Variants in EXT1 observed in about 807,000 individuals in gnomAD.
EXT1 encodes the protein exostosin glycosyltransferase 1.
EXT1 carries 20 observed loss-of-function variants against 82.5 expected under a neutral mutation model. That is an observed-to-expected ratio of 0.24 (90% CI 0.17 to 0.35). EXT1 has a LOEUF of 0.35. Among genes scored for constraint, EXT1 ranks in the 10% least tolerant of loss-of-function variants. The probability of loss-of-function intolerance (pLI) is 1.00; values close to 1 mark genes in which losing one functional copy is unlikely to be tolerated. For synonymous variants in EXT1, 348 were observed against 350.8 expected, an observed-to-expected ratio of 0.99 and a Z score of 0.09; for missense variants, 757 against 936.5, an observed-to-expected ratio of 0.81 and a Z score of 2.50.
At chr8:117,884,398 G>A (rs954417621) in intron 1 of EXT1, among the ~76,000 whole-genome samples, 2 of 152,152 alleles carry the variant, frequency 1.3e-5, no homozygotes, top group African/African-American at 2.4e-5. Context: ...CTGTCCAGCT[G>A]TTAAAGTCTG....
At chr8:117,803,562 G>A (rs780257658) in intron 10 of EXT1, among the ~76,000 whole-genome samples, 4 of 151,968 alleles carry the variant, frequency 2.6e-5, no homozygotes, top group African/African-American at 4.8e-5. Context: ...GATGAAATTC[G>A]GCATATCCAG....
chr8:117,970,359 A>G (rs1814913583), intron 1 of EXT1, among the ~76,000 whole-genome samples: 1 of 150,414 alleles, frequency 6.6e-6, no homozygotes, highest in Non-Finnish European at 1.5e-5. Flanking sequence ...GCTGGAGTGC[A>G]GTGGCGTGAT....
intron 1 of EXT1, among the ~76,000 whole-genome samples, chr8:117,892,072 T>C (rs1320393428): frequency 6.6e-6 from 1 of 152,210 alleles, no homozygotes; most frequent in East Asian, 1.9e-4. Flanking sequence ...CCCAAAGTGC[T>C]GGGATTACAG....
intron 1 of EXT1, among the ~76,000 whole-genome samples, chr8:117,935,148 G>A (rs1814135043): frequency 6.6e-6 from 1 of 152,030 alleles, no homozygotes; most frequent in South Asian, 2.1e-4. Context: ...TGATAACGGA[G>A]GTTAAAGAGG....
At chr8:118,067,854 C>A (rs17476979) in intron 1 of EXT1, among the ~76,000 whole-genome samples, 1,596 of 152,268 alleles carry the variant, frequency 0.01, 26 homozygotes, top group African/African-American at 0.035. Flanking sequence ...CTTTGCAGGG[C>A]TGGATCAACA....
intron 1 of EXT1, among the ~76,000 whole-genome samples, chr8:117,949,791 C>A (rs1358665017): frequency 6.6e-6 from 1 of 152,146 alleles, no homozygotes; most frequent in Non-Finnish European, 1.5e-5. Context: ...ATCTGAGAAA[C>A]TATCCTAAGT....
At chr8:118,036,496 C>T (rs192388332) in intron 1 of EXT1, among the ~76,000 whole-genome samples, 1 of 152,308 alleles carries the variant, frequency 6.6e-6, no homozygotes, top group East Asian at 1.9e-4. Context: ...ATCTTATCCA[C>T]TGCTTTACAA....
At chr8:117,937,232 C>T (rs1192252204) in intron 1 of EXT1, among the ~76,000 whole-genome samples, 2 of 152,158 alleles carry the variant, frequency 1.3e-5, no homozygotes, top group Non-Finnish European at 2.9e-5. Flanking sequence ...GAGGATTGCA[C>T]GAGATTACCC....
At chr8:117,829,562 T>C (rs1054368917) in intron 4 of EXT1, among the ~76,000 whole-genome samples, 2 of 138,348 alleles carry the variant, frequency 1.4e-5, no homozygotes, top group Admixed American at 8.0e-5. Context: ...CCATTATATA[T>C]ATTTTTCTTT....
chr8:117,888,297 T>C (rs945690827), intron 1 of EXT1, among the ~76,000 whole-genome samples: 2 of 151,914 alleles, frequency 1.3e-5, no homozygotes, highest in Non-Finnish European at 2.9e-5. Context: ...ATGGTGAAAA[T>C]AAAAATGATA....
At chr8:118,083,931 A>G (rs950902235) in intron 1 of EXT1, among the ~76,000 whole-genome samples, 3 of 152,162 alleles carry the variant, frequency 2.0e-5, no homozygotes, top group African/African-American at 7.2e-5. Flanking sequence ...CCGAAGGCTG[A>G]GGCAGGAGAA....
intron 1 of EXT1, among the ~76,000 whole-genome samples, chr8:117,989,950 C>CT (rs1214378155): frequency 6.6e-6 from 1 of 152,178 alleles, no homozygotes. Context: ...AATTCCAGCA[C>CT]TTTGAGAGGC....
chr8:117,812,973 T>C lies in EXT1; in HGVS notation c.1633-12A>G. ...CGGCTGCTCATAACCTGGGAGGAAG[T>C]AGAAGTAGGCAGTGGGGAGGGAATG... On this transcript the variant is annotated splice_polypyrimidine_tract_variant and intron_variant, in intron 7 of 10. Transcript: ENST00000378204. 1.2e-6 allele frequency: 2 copies of C among 1,611,082 alleles called. No homozygotes were observed. The highest frequency in any genetic ancestry group is 1.7e-4 in the Middle Eastern group (1 of 6,054).
At chr8:117,957,585 A>C (rs1814613795) in intron 1 of EXT1, among the ~76,000 whole-genome samples, 4 of 152,210 alleles carry the variant, frequency 2.6e-5, no homozygotes, top group Admixed American at 2.6e-4. Flanking sequence ...CCGTTTCCTC[A>C]CATAGAAGAT....
At chr8:117,807,522 T>A (rs1005551832) in intron 8 of EXT1, 145 bp from the exon 9 acceptor site, 8 of 885,210 alleles carry the variant, frequency 9.0e-6, no homozygotes, top group Non-Finnish European at 1.4e-5. Flanking sequence ...CAAATTAAAC[T>A]GACTGCTTGA....
chr8:118,020,829 T>C (rs1443835592), intron 1 of EXT1, among the ~76,000 whole-genome samples: 1 of 152,162 alleles, frequency 6.6e-6, no homozygotes, highest in East Asian at 1.9e-4. Context: ...ACCAAGACAG[T>C]AATACCCACC....
intron 1 of EXT1, among the ~76,000 whole-genome samples, chr8:117,911,837 C>T (rs1813653438): frequency 6.6e-6 from 1 of 152,176 alleles, no homozygotes; most frequent in Non-Finnish European, 1.5e-5. Flanking sequence ...ATGCCTTCTG[C>T]AGAGCAAGCA....
chr8:117,844,005 C>T (rs2129809903), intron 1 of EXT1, among the ~76,000 whole-genome samples: 1 of 152,186 alleles, frequency 6.6e-6, no homozygotes, highest in East Asian at 1.9e-4. Flanking sequence ...TGTTTCTCTC[C>T]CATTCAAAAC....
At chr8:118,073,814 T>G (rs1194676478) in intron 1 of EXT1, among the ~76,000 whole-genome samples, 2 of 152,210 alleles carry the variant, frequency 1.3e-5, no homozygotes, top group Non-Finnish European at 2.9e-5. Flanking sequence ...AACATATAGC[T>G]ATGACTTACT....
Sources: gnomAD v4.1 joint callset for allele counts (sites outside exome capture counted in the v4.1 genomes callset) on GRCh38, gnomAD v4.1.1 for gene constraint, MANE v1.5 for transcripts, NCBI Gene and HGNC (gene_info 2026-07-23, HGNC 2026-07-21) for gene names.